The following MAP3K20 variants were observed in gnomAD, a reference collection of about 807,000 sequenced individuals.
MAP3K20 encodes the protein HCCS-4.
In MAP3K20, 40 loss-of-function variants were observed where a neutral mutation model predicts 85.7. That is an observed-to-expected ratio of 0.47 (90% CI 0.36 to 0.61). The LOEUF is 0.61. Ranked by LOEUF, MAP3K20 falls within the 20% of genes least tolerant of loss-of-function variation. The pLI, the probability that MAP3K20 is intolerant of heterozygous loss-of-function variation, is 0.00. For missense variants in MAP3K20, 817 were observed against 961.7 expected (o/e 0.85, Z 1.99); for synonymous variants, 325 against 327.7 (o/e 0.99, Z 0.09).
intron 2 of MAP3K20, among the ~76,000 whole-genome samples, chr2:173,103,478 T>A (rs1394955171): frequency 6.6e-6 from 1 of 152,222 alleles, no homozygotes; most frequent in Non-Finnish European, 1.5e-5. Context: ...AAGTTTATAC[T>A]CTGGCCTTGT....
intron 2 of MAP3K20, among the ~76,000 whole-genome samples, chr2:173,107,002 G>GGTCTTGTAA (rs1226572367): frequency 6.6e-6 from 1 of 152,140 alleles, no homozygotes; most frequent in East Asian, 1.9e-4. Flanking sequence ...GGTGTCTGAG[G>GGTCTTGTAA]GTCTTGTAAG....
chr2:173,254,952 TTCTC>T (rs1685125841), intron 16 of MAP3K20, among the ~76,000 whole-genome samples: 1 of 152,206 alleles, frequency 6.6e-6, no homozygotes, highest in Non-Finnish European at 1.5e-5. Flanking sequence ...CATATTCTCT[TTCTC>T]TCTTACCCAG....
rs542727830 is a variant in MAP3K20, at chr2:173,266,344, C to A, written c.1997C>A (p.Thr666Asn). ...GGCTTTTCCAGTGGCAATACTGACA[C>A]CTCTTCAGAGAGGGGTCGATACTCA... Reference protein sequence around the residue: ...DSGFSSGNTDTSSERGRYSDR... With the variant: ...DSGFSSGNTDNSSERGRYSDR... Residue 666 changes from threonine (T) to asparagine (N), a missense_variant, in exon 20 of 20, where the codon ACC (threonine) becomes AAC (asparagine). This residue lies in a region of MAP3K20 where 454 missense variants were observed against 476.9 expected (regional missense o/e 0.95). Transcript: ENST00000375213. 28 of 1,614,112 alleles carry A rather than the reference C, an allele frequency of 1.7e-5. No individual in the cohort carries two copies. In the East Asian group the frequency reaches 5.6e-4, roughly 32 times the overall value.
At chr2:173,208,413 T>G (rs199941848) in intron 9 of MAP3K20, among the ~76,000 whole-genome samples, 1 of 133,460 alleles carries the variant, frequency 7.5e-6, no homozygotes, top group African/African-American at 2.6e-5. Context: ...AAAAAAAAAA[T>G]CATTTTAAAA....
At position 173,115,391 on chromosome 2, in the gene MAP3K20, C is replaced by T. The variant is rs552085377; in HGVS notation, c.159+24201C>T. Among the ~76,000 whole-genome samples, 11 of 152,270 alleles carry T rather than the reference C, an allele frequency of 7.2e-5. No individual in the cohort carries two copies. In the East Asian group the frequency reaches 1.9e-3, roughly 27 times the overall value. On this transcript the variant is annotated intron_variant, in intron 2 of 19. Transcript: ENST00000375213. ...CCCTGATTAGCTATTTAATAACTAA[C>T]GTCCTTAATTCTTTTTCAGGTAAAT...
chr2:173,177,877 A>T (rs1023191617), intron 3 of MAP3K20, among the ~76,000 whole-genome samples: 2 of 64,364 alleles, frequency 3.1e-5, no homozygotes, highest in South Asian at 1.3e-3. Context: ...ATCAAAAAGA[A>T]GAAAATCTGA....
At chr2:173,172,857 G>T (rs1035012333) in intron 3 of MAP3K20, among the ~76,000 whole-genome samples, 1 of 151,622 alleles carries the variant, frequency 6.6e-6, no homozygotes, top group Non-Finnish European at 1.5e-5. Context: ...GAGTGCAGTG[G>T]TGCAACCTAG....
intron 11 of MAP3K20, chr2:173,227,145 A>T (rs1170784326): frequency 1.0e-6 from 1 of 985,462 alleles, no homozygotes; most frequent in Non-Finnish European, 1.2e-6. Flanking sequence ...TTTGACAGTA[A>T]ATCCCTTTGT....
At chr2:173,256,132 G>A (rs940422458) in intron 16 of MAP3K20, among the ~76,000 whole-genome samples, 1 of 152,232 alleles carries the variant, frequency 6.6e-6, no homozygotes, top group African/African-American at 2.4e-5. Context: ...TTCATCTAGA[G>A]GCTTTCCGAA....
intron 2 of MAP3K20, among the ~76,000 whole-genome samples, chr2:173,146,643 AAATAG>A (rs1406489876): frequency 2.0e-5 from 3 of 152,210 alleles, no homozygotes; most frequent in Admixed American, 2.0e-4. Context: ...CATTTCATAT[AAATAG>A]AATTTAAAAC....
chr2:173,096,496 C>A (rs190670501), intron 2 of MAP3K20, among the ~76,000 whole-genome samples: 1 of 152,054 alleles, frequency 6.6e-6, no homozygotes, highest in East Asian at 1.9e-4. Flanking sequence ...TGTGCCACCA[C>A]GCCTGGGTAA....
At chr2:173,145,155 G>A (rs74473157) in intron 2 of MAP3K20, among the ~76,000 whole-genome samples, 4 of 152,152 alleles carry the variant, frequency 2.6e-5, no homozygotes, top group Admixed American at 6.5e-5. Flanking sequence ...GTAATCTCTT[G>A]TGACCTTTGA....
chr2:173,103,569 C>T (rs1020556432), intron 2 of MAP3K20, among the ~76,000 whole-genome samples: 6 of 152,202 alleles, frequency 3.9e-5, no homozygotes, highest in Non-Finnish European at 7.3e-5. Flanking sequence ...TCTCTGAAAT[C>T]TCTCTCACCT....
intron 2 of MAP3K20, among the ~76,000 whole-genome samples, chr2:173,136,373 CTAAT>C (rs1225824052): frequency 6.6e-6 from 1 of 152,206 alleles, no homozygotes; most frequent in Non-Finnish European, 1.5e-5. Context: ...GATTACAACT[CTAAT>C]TATGTTTTAA....
intron 3 of MAP3K20, among the ~76,000 whole-genome samples, chr2:173,178,011 A>G (rs1305536288): frequency 6.6e-6 from 1 of 152,162 alleles, no homozygotes; most frequent in Non-Finnish European, 1.5e-5. Flanking sequence ...AAAACAGAAA[A>G]GCAATAGCAA....
At chr2:173,256,651 T>G (rs1685170217) in intron 16 of MAP3K20, among the ~76,000 whole-genome samples, 2 of 152,178 alleles carry the variant, frequency 1.3e-5, no homozygotes, top group African/African-American at 4.8e-5. Flanking sequence ...TTAAATTATT[T>G]ATACAGCAAA....
At chr2:173,226,751 A>G in intron 11 of MAP3K20, 1 of 985,698 alleles carries the variant, frequency 1.0e-6, no homozygotes, top group Non-Finnish European at 1.2e-6. Context: ...GTCAGATATG[A>G]TACACTGCAC....
At chr2:173,087,747 T>A (rs1687181697) in intron 1 of MAP3K20, among the ~76,000 whole-genome samples, 1 of 152,210 alleles carries the variant, frequency 6.6e-6, no homozygotes, top group Non-Finnish European at 1.5e-5. Flanking sequence ...ATTTCCTACC[T>A]AGAATTGTAT....
chr2:173,134,133 TA>T (rs1688701826), intron 2 of MAP3K20, among the ~76,000 whole-genome samples: 1 of 151,008 alleles, frequency 6.6e-6, no homozygotes, highest in Non-Finnish European at 1.5e-5. Context: ...CTGCATATTT[TA>T]AATACCTCTG....
Sources: allele counts gnomAD v4.1 joint callset (sites outside exome capture counted in the v4.1 genomes callset), GRCh38; gene constraint gnomAD v4.1.1; regional missense constraint gnomAD v4.1.1; transcripts MANE v1.5; gene names NCBI Gene and HGNC (gene_info 2026-07-23, HGNC 2026-07-21).